The following PAMR1 variants were observed in gnomAD, a reference collection of about 807,000 sequenced individuals.
PAMR1 encodes the protein peptidase domain containing associated with muscle regeneration 1.
A neutral mutation model predicts 81.8 loss-of-function variants in PAMR1; 88 were observed. That is an observed-to-expected ratio of 1.08 (90% CI 0.91 to 1.28). The LOEUF is 1.28. Ranked by LOEUF, PAMR1 falls within the 50% of genes most tolerant of loss-of-function variation. PAMR1 has a pLI of 0.00. For missense variants in PAMR1, 935 were observed against 919.7 expected, an observed-to-expected ratio of 1.02 and a Z score of -0.21; for synonymous variants, 336 against 345.3, an observed-to-expected ratio of 0.97 and a Z score of 0.30.
chr11:35,469,482 G>A (rs553813656), intron 5 of PAMR1, among the ~76,000 whole-genome samples: 2 of 152,326 alleles, frequency 1.3e-5, no homozygotes, highest in South Asian at 2.1e-4. Context: ...TATACCTGCA[G>A]GGTGTCACCA....
In PAMR1 at chr11:35,481,078, A is replaced by G. The variant is rs529061438; in HGVS notation, c.380-6334T>C. On this transcript the variant is annotated intron_variant, in intron 3 of 10. Coordinates refer to ENST00000619888, the MANE Select transcript of PAMR1 (RefSeq NM_001001991.3). ...CATAATATTCCATGGTATATTATAT[A>G]CCACATTTTCTTTATCCAGTCTATC... 1.3e-4 allele frequency among the ~76,000 whole-genome samples: 20 copies of G among 152,324 alleles called. No homozygotes were observed. In the East Asian group the frequency reaches 3.7e-3, roughly 28 times the overall value.
At chr11:35,499,165 G>A (rs1369633786) in intron 1 of PAMR1, among the ~76,000 whole-genome samples, 1 of 152,176 alleles carries the variant, frequency 6.6e-6, no homozygotes, top group Admixed American at 6.5e-5. Flanking sequence ...GGAGCCATGA[G>A]CCAGGAGAGC....
chr11:35,476,278 G>A (rs888374335), intron 3 of PAMR1, among the ~76,000 whole-genome samples: 7 of 152,102 alleles, frequency 4.6e-5, no homozygotes, highest in Non-Finnish European at 7.3e-5. Flanking sequence ...TCATCTCCTA[G>A]TAATACGGTT....
upstream of PAMR1, chr11:35,528,979 G>T: frequency 6.6e-6 from 1 of 152,218 alleles, no homozygotes. Context: ...TAATCCCAGG[G>T]CTGGAAGAGA....
intron 5 of PAMR1, among the ~76,000 whole-genome samples, chr11:35,469,017 C>T (rs1856804836): frequency 6.6e-6 from 1 of 152,174 alleles, no homozygotes; most frequent in Admixed American, 6.5e-5. Context: ...TATAAAACGA[C>T]TATGACTTGA....
intron 2 of PAMR1, among the ~76,000 whole-genome samples, chr11:35,492,991 C>A (rs1202127954): frequency 2.0e-5 from 3 of 152,230 alleles, no homozygotes; most frequent in Middle Eastern, 3.2e-3. Flanking sequence ...TCAGTGTCCT[C>A]ATTTGTCAAA....
Position 35,494,147 on chromosome 11 carries a change from G to A in PAMR1, c.199C>T (p.Pro67Ser). The change falls in exon 2 of 11, where the codon CCT becomes TCT. Residue 67 changes from proline to serine, a missense_variant. Pro to Ser is a moderately conservative substitution (Grantham distance 74). Coordinates refer to ENST00000619888, the MANE Select transcript of PAMR1 (RefSeq NM_001001991.3). ...GKREVVGYTIPCCRNEENECD... is the reference protein window; with the variant it reads ...GKREVVGYTISCCRNEENECD... Reference sequence around the variant, plus strand: ...TCATTCTCCTCATTCCTGCAGCAAGGGATGGTATAACCCACGACTTCCCTC... The same window carrying A: ...TCATTCTCCTCATTCCTGCAGCAAGAGATGGTATAACCCACGACTTCCCTC... 1.9e-6 allele frequency: 3 copies of A among 1,614,046 alleles called. No homozygotes were observed. Among genetic ancestry groups the A allele is most frequent in the East Asian group, 2.2e-5 (1 of 44,876 alleles).
At chr11:35,525,218 G>C (rs933512152) in intron 1 of PAMR1, among the ~76,000 whole-genome samples, 1 of 152,142 alleles carries the variant, frequency 6.6e-6, no homozygotes, top group Non-Finnish European at 1.5e-5. Context: ...CTTTTAAAAT[G>C]ATAAAAAGAG....
At chr11:35,479,285 G>A (rs982874665) in intron 3 of PAMR1, among the ~76,000 whole-genome samples, 1 of 152,114 alleles carries the variant, frequency 6.6e-6, no homozygotes, top group African/African-American at 2.4e-5. Context: ...GCCGGGGTCC[G>A]AATCTTAGTT....
At chr11:35,508,515 C>CCTTT (rs1851013668) in intron 1 of PAMR1, among the ~76,000 whole-genome samples, 1 of 76,156 alleles carries the variant, frequency 1.3e-5, no homozygotes, top group African/African-American at 6.0e-5. Flanking sequence ...CAGGAACCTC[C>CCTTT]ATTTTTTTTT....
At position 35,484,069 on chromosome 11, in the gene PAMR1, A is replaced by G. The variant is rs562902692; in HGVS notation, c.379+7976T>C. Among the ~76,000 whole-genome samples, 3 of 152,324 alleles carry G rather than the reference A, an allele frequency of 2.0e-5. No individual in the cohort carries two copies. The South Asian group carries it at 6.2e-4, about 32-fold the overall frequency. On this transcript the variant is annotated intron_variant, in intron 3 of 10. Transcript: ENST00000619888. ...AGCTCATTTCATGGCTCTGGATTAT[A>G]AGAATAGCATCCACCATTTATTGAG...
upstream of PAMR1, among the ~76,000 whole-genome samples, chr11:35,526,248 C>G (rs1851388502): frequency 6.6e-6 from 1 of 152,152 alleles, no homozygotes; most frequent in Non-Finnish European, 1.5e-5. Flanking sequence ...CCTATGATCC[C>G]CGTCATGGTG....
Position 35,505,114 on chromosome 11 carries a change from T to G in PAMR1, c.74-10842A>C, listed in dbSNP as rs2676477. On this transcript the variant is annotated intron_variant, in intron 1 of 10. Coordinates refer to ENST00000619888, the MANE Select transcript of PAMR1 (RefSeq NM_001001991.3). Reference sequence around the variant, plus strand: ...TTCTTAATTTCTTTATTGACCCATTTGTCATTCATAGGCACATTGTTTAAT... The same window carrying G: ...TTCTTAATTTCTTTATTGACCCATTGGTCATTCATAGGCACATTGTTTAAT... 4.4e-4 allele frequency among the ~76,000 whole-genome samples: 67 copies of G among 152,016 alleles called. 1 individual carries two copies. The South Asian group carries it at 0.013, about 29-fold the overall frequency.
At position 35,523,491 on chromosome 11, in the gene PAMR1, G is replaced by A. The variant is rs1234737822; in HGVS notation, c.73+2022C>T. ...CTCATTCTGTTTATGTTGGGTTATC[G>A]CTTGGCCTCATGTTTGGATTCTCAT... is the stretch of plus-strand genomic sequence containing the variant. On this transcript the variant is annotated intron_variant, in intron 1 of 10. Coordinates refer to ENST00000619888, the MANE Select transcript of PAMR1 (RefSeq NM_001001991.3). Among the ~76,000 whole-genome samples the A allele has an allele frequency of 2.6e-5, 4 of 152,156 alleles. No individual in the cohort carries two copies. The East Asian group carries it at 5.8e-4, about 22-fold the overall frequency.
chr11:35,456,565 T>A (rs1458867553), intron 6 of PAMR1, among the ~76,000 whole-genome samples: 1 of 152,204 alleles, frequency 6.6e-6, no homozygotes, highest in Non-Finnish European at 1.5e-5. Flanking sequence ...GAACTGTTGA[T>A]GCAGAGATCA....
chr11:35,448,544 T>C (rs766812604), intron 6 of PAMR1, among the ~76,000 whole-genome samples: 3 of 152,208 alleles, frequency 2.0e-5, no homozygotes, highest in Non-Finnish European at 4.4e-5. Flanking sequence ...TCCTGTAGTG[T>C]TTTATCATGA....
intron 6 of PAMR1, among the ~76,000 whole-genome samples, chr11:35,466,122 A>T (rs1000525158): frequency 6.6e-6 from 1 of 152,064 alleles, no homozygotes; most frequent in South Asian, 2.1e-4. Context: ...TCAAGAAATT[A>T]AGCCTTCCCT....
chr11:35,465,400 A>C (rs1054908491), intron 6 of PAMR1, among the ~76,000 whole-genome samples: 7 of 152,246 alleles, frequency 4.6e-5, no homozygotes, highest in Admixed American at 4.6e-4. Flanking sequence ...TAATTTCAAA[A>C]GAATTCCCGC....
intron 3 of PAMR1, among the ~76,000 whole-genome samples, chr11:35,490,168 AC>A (rs1445452360): frequency 2.0e-5 from 3 of 152,228 alleles, no homozygotes; most frequent in Non-Finnish European, 4.4e-5. Context: ...CTTATTCACT[AC>A]CATGAGAACA....
Sources: allele counts gnomAD v4.1 joint callset (sites outside exome capture counted in the v4.1 genomes callset), GRCh38; gene constraint gnomAD v4.1.1; transcripts MANE v1.5; gene names NCBI Gene and HGNC (gene_info 2026-07-23, HGNC 2026-07-21).